Variants in SLC6A3 observed in about 807,000 individuals in gnomAD.
The protein encoded by SLC6A3 is solute carrier family 6 member 3, also known as sodium-dependent dopamine transporter.
Under a neutral mutation model 70.4 loss-of-function variants are expected in SLC6A3, and 19 were observed. That is an observed-to-expected ratio of 0.27 (90% CI 0.19 to 0.40). The LOEUF (loss-of-function observed/expected upper bound fraction) is 0.40, where lower values mean the gene tolerates loss of function less well. Ranked by LOEUF, SLC6A3 falls within the 10% of genes least tolerant of loss-of-function variation. The pLI, the probability that SLC6A3 is intolerant of heterozygous loss-of-function variation, is 1.00. For missense variants in SLC6A3, 613 were observed against 838.5 expected (o/e 0.73, Z 3.32); for synonymous variants, 368 against 356.6 (o/e 1.03, Z -0.36).
At position 1,394,385 on chromosome 5, in the gene SLC6A3, G is replaced by C. The variant is rs1186285435; in HGVS notation, c.*350C>G. The stretch of plus-strand genomic sequence containing the variant: ...CGTGATCCCCGCCTGAGAACACAGT[G>C]CCCCTGGGGCAGCCTCAGAGCCGGG... On this transcript the variant is annotated 3_prime_UTR_variant, in exon 15 of 15. Coordinates refer to ENST00000270349, the MANE Select transcript of SLC6A3 (RefSeq NM_001044.5). The surrounding 1 kb of genome is among the most constrained non-coding windows in gnomAD (Gnocchi z 4.7). 4 of 470,148 alleles carry C rather than the reference G, an allele frequency of 8.5e-6. No homozygotes were observed. The allele number at this position is 470,148 out of a possible 1,614,324, so 29.1% of individuals were successfully genotyped here. A position where few individuals can be genotyped will look rare whatever the true frequency, so the allele number is the denominator to read the frequency against.
rs536243826 is a variant in SLC6A3, at chr5:1,435,203, G to A, written c.419-2505C>T. The stretch of plus-strand genomic sequence containing the variant: ...CGTCTGTCCGGAGTCCCTTAGGAGA[G>A]AGGCTGGGTTGTGATCCACAGTGAA... On this transcript the variant is annotated intron_variant, in intron 3 of 14. Coordinates refer to ENST00000270349, the MANE Select transcript of SLC6A3 (RefSeq NM_001044.5). Among the ~76,000 whole-genome samples, 24 of 152,366 alleles carry A rather than the reference G, an allele frequency of 1.6e-4. No individual in the cohort carries two copies. The South Asian group carries it at 3.9e-3, about 25-fold the overall frequency.
rs534920557 is a variant in SLC6A3, at chr5:1,397,528, G to C, written c.1840-2770C>G. 6.6e-5 allele frequency among the ~76,000 whole-genome samples: 10 copies of C among 152,296 alleles called. No homozygotes were observed. Among genetic ancestry groups the C allele is most frequent in the Non-Finnish European group, 1.2e-4 (8 of 68,036 alleles). On this transcript the variant is annotated intron_variant, in intron 14 of 14. Coordinates refer to ENST00000270349, the MANE Select transcript of SLC6A3 (RefSeq NM_001044.5). This position sits in a 1 kb window ranked among gnomAD's most constrained non-coding sequence, Gnocchi z 4.7. ...CACCGAAAGCAGAAGAAACTCGGCC[G>C]AGTGCAGGGGTGAGGACAGAGCCCA...
chr5:1,394,516 G>T lies in SLC6A3; in HGVS notation c.*219C>A. 1 of 657,726 alleles carries T rather than the reference G, an allele frequency of 1.5e-6. No homozygotes were observed. 40.7% of individuals were successfully genotyped at this position (657,726 alleles called of 1,614,324 possible). A position where few individuals can be genotyped will look rare whatever the true frequency, so the allele number is the denominator to read the frequency against. The stretch of plus-strand genomic sequence containing the variant: ...GGTGGACCTCGCTGCACAGATCTAC[G>T]TCGTTATTACAGCAACACAAGACAC... On this transcript the variant is annotated 3_prime_UTR_variant, in exon 15 of 15. Coordinates refer to ENST00000270349, the MANE Select transcript of SLC6A3 (RefSeq NM_001044.5). This position sits in a 1 kb window ranked among gnomAD's most constrained non-coding sequence, Gnocchi z 4.7.
rs1343965134 is a variant in SLC6A3, at chr5:1,442,381, C to T, written c.286+531G>A. On this transcript the variant is annotated intron_variant, in intron 2 of 14. Coordinates refer to ENST00000270349, the MANE Select transcript of SLC6A3 (RefSeq NM_001044.5). This position sits in a 1 kb window ranked among gnomAD's most constrained non-coding sequence, Gnocchi z 5.0. ...GGAGGCTGGGAGGCCCAAAGAGGCT[C>T]CTGGGAAGGGATCACCAATGTTCTT... is the stretch of plus-strand genomic sequence containing the variant. 1.3e-5 allele frequency among the ~76,000 whole-genome samples: 2 copies of T among 152,112 alleles called. No individual in the cohort carries two copies. Among genetic ancestry groups the T allele is most frequent in the Admixed American group, 1.3e-4 (2 of 15,278 alleles).
rs1733712806 is a variant in SLC6A3 at position 1,442,835 on chromosome 5, C to G, written c.286+77G>C. The G allele has an allele frequency of 2.7e-6, 4 of 1,458,212 alleles. No individual in the cohort carries two copies. In the East Asian group the frequency reaches 6.8e-5, roughly 25 times the overall value. 90.3% of individuals were successfully genotyped at this position (1,458,212 alleles called of 1,614,324 possible). On this transcript the variant is annotated intron_variant, in intron 2 of 14. Coordinates refer to ENST00000270349, the MANE Select transcript of SLC6A3 (RefSeq NM_001044.5). The surrounding 1 kb of genome is among the most constrained non-coding windows in gnomAD (Gnocchi z 5.0). ...CATGGGAACAGCTTCATCTCGTTTC[C>G]GTACGTGCCTTGGCCCCGGCTGCCC... is the stretch of plus-strand genomic sequence containing the variant.
intron 9 of SLC6A3, among the ~76,000 whole-genome samples, chr5:1,410,949 TATGTGTGTGTGTGC>T (rs1181664880): frequency 6.8e-6 from 1 of 147,728 alleles, no homozygotes; most frequent in Non-Finnish European, 1.5e-5. Context: ...TGTGTGCGTG[TATGTGTGTGTGTGC>T]ATGTGTGTGC....
chr5:1,419,512 G>A (rs998706040), intron 6 of SLC6A3, among the ~76,000 whole-genome samples: 8 of 152,154 alleles, frequency 5.3e-5, no homozygotes, highest in East Asian at 1.9e-4. Flanking sequence ...TAGGCTCTAC[G>A]TTGTCCTTGT....
Position 1,406,083 on chromosome 5 carries a change from C to T in SLC6A3, c.1599+105G>A. ...GGGCCGAGTCTTGAGGCCCCTGACT[C>T]CAGCCACAGTGACAACCCACATGCG... is the stretch of plus-strand genomic sequence containing the variant. On this transcript the variant is annotated intron_variant, in intron 12 of 14. Coordinates refer to ENST00000270349, the MANE Select transcript of SLC6A3 (RefSeq NM_001044.5). The surrounding 1 kb of genome is among the most constrained non-coding windows in gnomAD (Gnocchi z 8.8). 2 of 824,588 alleles carry T rather than the reference C, an allele frequency of 2.4e-6. No individual in the cohort carries two copies. Among genetic ancestry groups the T allele is most frequent in the Non-Finnish European group, 4.3e-6 (2 of 469,634 alleles). The allele number at this position is 824,588 out of a possible 1,614,324, so 51.1% of individuals were successfully genotyped here. A position where few individuals can be genotyped will look rare whatever the true frequency, so the allele number is the denominator to read the frequency against.
Position 1,409,626 on chromosome 5 carries a change from G to A in SLC6A3, c.1398+95C>T, listed in dbSNP as rs28363106. Reference sequence around the variant, plus strand: ...GTTCGCAGCTCCCTGGAAGTGCTGCGGTTCTGTCTGGCCTGACAGTCCCAG... The same window carrying A: ...GTTCGCAGCTCCCTGGAAGTGCTGCAGTTCTGTCTGGCCTGACAGTCCCAG... On this transcript the variant is annotated intron_variant, in intron 10 of 14. Transcript: ENST00000270349. 0.011 allele frequency: 16,394 copies of A among 1,448,206 alleles called. 1,340 individuals carry two copies. In the African/African-American group the frequency reaches 0.19, roughly 17 times the overall value. 89.7% of individuals were successfully genotyped at this position (1,448,206 alleles called of 1,614,324 possible).
chr5:1,394,855 A>G lies in SLC6A3; in HGVS notation c.1840-97T>C. On this transcript the variant is annotated intron_variant, in intron 14 of 14. Transcript: ENST00000270349. This position sits in a 1 kb window ranked among gnomAD's most constrained non-coding sequence, Gnocchi z 4.7. ...GAGCAGCTGAAGGCAGTGAGCAGAC[A>G]GTTTGCAGCCTCCTGGCCATGTGCC... 7.4e-7 allele frequency: 1 copy of G among 1,351,170 alleles called. No individual in the cohort carries two copies. Among genetic ancestry groups the G allele is most frequent in the Non-Finnish European group, 1.1e-6 (1 of 943,092 alleles). 83.7% of individuals were successfully genotyped at this position (1,351,170 alleles called of 1,614,324 possible).
chr5:1,396,135 G>A lies in SLC6A3; in HGVS notation c.1840-1377C>T, dbSNP rs539167755. ...GCTTCCAGAGATGAAGTAGAAAAGA[G>A]AATGGCTGGGCTGCAGACCAGGGGC... On this transcript the variant is annotated intron_variant, in intron 14 of 14. Coordinates refer to ENST00000270349, the MANE Select transcript of SLC6A3 (RefSeq NM_001044.5). The surrounding 1 kb of genome is among the most constrained non-coding windows in gnomAD (Gnocchi z 7.0). Among the ~76,000 whole-genome samples the A allele has an allele frequency of 5.1e-4, 78 of 152,344 alleles. No homozygotes were observed. Among genetic ancestry groups the A allele is most frequent in the Admixed American group, 7.2e-4 (11 of 15,302 alleles).
At chr5:1,441,537 A>T in intron 2 of SLC6A3, 47 bp from the exon 3 acceptor site, 1 of 1,604,576 alleles carries the variant, frequency 6.2e-7, no homozygotes, top group Non-Finnish European at 8.5e-7. Context: ...GGAAGGGCCC[A>T]TCTCTCCTCG....
rs8179035 is a variant in SLC6A3, at chr5:1,409,111, G to C, written c.1413C>G (p.Val471=). 1,754 of 1,611,034 alleles carry C rather than the reference G, an allele frequency of 1.1e-3. 14 individuals carry two copies. In the African/African-American group the frequency reaches 0.014, roughly 13 times the overall value. The change falls in exon 11 of 15, where the codon GTC becomes GTG. Residue 471 remains valine (V), a synonymous_variant. Coordinates refer to ENST00000270349, the MANE Select transcript of SLC6A3 (RefSeq NM_001044.5). ...LFCVTNGGIY[V]FTLLDHFAAG... is the part of the protein sequence containing the mutation. ...CTGCAAAATGGTCCAGGAGCGTGAAGACGTAGATGCCACCCTGGAAGAGAG... is the reference window on the plus strand; with the variant it reads ...CTGCAAAATGGTCCAGGAGCGTGAACACGTAGATGCCACCCTGGAAGAGAG...
At chr5:1,432,204 G>C (rs945446935) in intron 4 of SLC6A3, among the ~76,000 whole-genome samples, 1 of 152,114 alleles carries the variant, frequency 6.6e-6, no homozygotes, top group Non-Finnish European at 1.5e-5. Context: ...CTGAGCTGCC[G>C]CTGGGAGCAG....
rs143657294 is a variant in SLC6A3, at chr5:1,442,143, C to G, written c.287-653G>C. Among the ~76,000 whole-genome samples the G allele has an allele frequency of 8.8e-4, 134 of 152,322 alleles. 1 individual carries two copies. Among genetic ancestry groups the G allele is most frequent in the Admixed American group, 2.7e-3 (41 of 15,306 alleles). On this transcript the variant is annotated intron_variant, in intron 2 of 14. Coordinates refer to ENST00000270349, the MANE Select transcript of SLC6A3 (RefSeq NM_001044.5). The surrounding 1 kb of genome is among the most constrained non-coding windows in gnomAD (Gnocchi z 5.0). ...GAGTGAGGGAGAGCTTTGCCACTCT[C>G]TCTCCTGGGGAAGGGGAGGGGGAGG...
rs552358200 is a variant in SLC6A3 at position 1,405,216 on chromosome 5, G to A, written c.1599+972C>T. On this transcript the variant is annotated intron_variant, in intron 12 of 14. Transcript: ENST00000270349. This position sits in a 1 kb window ranked among gnomAD's most constrained non-coding sequence, Gnocchi z 5.3. ...CACGGTGGAATTTCTACAAGATGCC[G>A]GGCAGGTTCTCTCACACTATGTTGA... Among the ~76,000 whole-genome samples the A allele has an allele frequency of 5.4e-4, 82 of 152,288 alleles. No homozygotes were observed. The South Asian group carries it at 0.01, about 19-fold the overall frequency.
chr5:1,429,237 C>T (rs749244669), intron 4 of SLC6A3, among the ~76,000 whole-genome samples: 2 of 152,236 alleles, frequency 1.3e-5, no homozygotes, highest in Admixed American at 6.5e-5. Context: ...TTCAGGGGAA[C>T]CTCAGTCCCA....
Position 1,442,875 on chromosome 5 carries a change from C to T in SLC6A3, c.286+37G>A, listed in dbSNP as rs187410020. ...CCCGGCTGCCCCTACGACCCCCGCC[C>T]GGCCAGCATGCTCAGGGAGGCTGAG... On this transcript the variant is annotated intron_variant, in intron 2 of 14. Coordinates refer to ENST00000270349, the MANE Select transcript of SLC6A3 (RefSeq NM_001044.5). The surrounding 1 kb of genome is among the most constrained non-coding windows in gnomAD (Gnocchi z 5.0). The T allele has an allele frequency of 8.1e-6, 13 of 1,612,086 alleles. No individual in the cohort carries two copies. The highest frequency in any genetic ancestry group is 5.5e-5 in the South Asian group (5 of 91,036).
Position 1,420,712 on chromosome 5 carries a change from G to C in SLC6A3, c.793-9C>G, listed in dbSNP as rs1756411814. 6.2e-7 allele frequency: 1 copy of C among 1,612,844 alleles called. No individual in the cohort carries two copies. The highest frequency in any genetic ancestry group is 1.1e-5 in the South Asian group (1 of 91,074). ...GCTGTGATCCATACCACCTGCAGGA[G>C]AGGACAGTGTCACCAGGCTGCACAG... On this transcript the variant is annotated splice_polypyrimidine_tract_variant and intron_variant, in intron 5 of 14. Coordinates refer to ENST00000270349, the MANE Select transcript of SLC6A3 (RefSeq NM_001044.5).
Sources: gnomAD v4.1 joint callset for allele counts (sites outside exome capture counted in the v4.1 genomes callset) on GRCh38, gnomAD v4.1.1 for gene constraint, Gnocchi (gnomAD v3.1) non-coding constraint, MANE v1.5 for transcripts, NCBI Gene and HGNC (gene_info 2026-07-23, HGNC 2026-07-21) for gene names.